The following DOCK3 variants were observed in gnomAD, a reference collection of about 807,000 sequenced individuals.
DOCK3 encodes dedicator of cytokinesis protein 3.
Under a neutral mutation model 265.6 loss-of-function variants are expected in DOCK3, and 60 were observed. That is an observed-to-expected ratio of 0.23 (90% CI 0.18 to 0.28). DOCK3 has a LOEUF of 0.28. Ranked by LOEUF, DOCK3 falls within the 10% of genes least tolerant of loss-of-function variation. The pLI, the probability that DOCK3 is intolerant of heterozygous loss-of-function variation, is 1.00. For missense variants in DOCK3, 1,981 were observed against 2,594.3 expected (o/e 0.76, Z 5.14); for synonymous variants, 881 against 938.0 (o/e 0.94, Z 1.11).
At chr3:50,852,388 T>G (rs1028884369) in intron 3 of DOCK3, among the ~76,000 whole-genome samples, 2 of 152,202 alleles carry the variant, frequency 1.3e-5, no homozygotes, top group African/African-American at 4.8e-5. Flanking sequence ...CTTAATGTTG[T>G]GTTTTGAGGA....
chr3:50,914,769 C>T (rs1051422200), intron 4 of DOCK3, among the ~76,000 whole-genome samples: 1 of 152,098 alleles, frequency 6.6e-6, no homozygotes, highest in African/African-American at 2.4e-5. Flanking sequence ...GATGATCTGT[C>T]TAATGCCGAT....
Position 51,077,380 on chromosome 3 carries a change from G to A in DOCK3, c.549+1940G>A, listed in dbSNP as rs566658190. On this transcript the variant is annotated intron_variant, in intron 7 of 52. Coordinates refer to ENST00000266037, the MANE Select transcript of DOCK3 (RefSeq NM_004947.5). ...GATCAGCTTTACATTTTTAAAAGAT[G>A]CCTTTGCTTGCTGTGTGGAAAAGGA... Among the ~76,000 whole-genome samples, 5 of 152,208 alleles carry A rather than the reference G, an allele frequency of 3.3e-5. No individual in the cohort carries two copies. In the East Asian group the frequency reaches 7.7e-4, roughly 24 times the overall value.
intron 1 of DOCK3, among the ~76,000 whole-genome samples, chr3:50,768,557 G>A (rs1023275473): frequency 6.6e-6 from 1 of 152,092 alleles, no homozygotes; most frequent in Non-Finnish European, 1.5e-5. Flanking sequence ...TATAAACAGA[G>A]CCAAAGACAA....
intron 27 of DOCK3, among the ~76,000 whole-genome samples, chr3:51,283,842 G>A (rs1315478838): frequency 6.6e-6 from 1 of 152,104 alleles, no homozygotes; most frequent in Non-Finnish European, 1.5e-5. Flanking sequence ...AAAGGTTGTG[G>A]TTTCGTATGG....
chr3:50,789,430 A>G (rs541024511), intron 2 of DOCK3, among the ~76,000 whole-genome samples: 7 of 152,254 alleles, frequency 4.6e-5, no homozygotes, highest in African/African-American at 1.7e-4. Context: ...CCATGTACTG[A>G]TGATTAGAAT....
chr3:50,822,625 T>C (rs1253718384), intron 2 of DOCK3, among the ~76,000 whole-genome samples: 1 of 152,150 alleles, frequency 6.6e-6, no homozygotes, highest in Non-Finnish European at 1.5e-5. Flanking sequence ...GTCTCCTGAA[T>C]AGCTAGGACT....
chr3:51,158,006 A>G (rs2085940929), intron 10 of DOCK3, among the ~76,000 whole-genome samples: 1 of 151,966 alleles, frequency 6.6e-6, no homozygotes, highest in South Asian at 2.1e-4. Context: ...ATGAAAGAGG[A>G]AAAGGAAATG....
Position 51,361,975 on chromosome 3 carries a change from A to G in DOCK3, c.5123A>G (p.Glu1708Gly). ...LGDGSMGDAP[E>G]DLYHHMQLAY... ...GACGGCTCCATGGGTGATGCTCCTG[A>G]GGACCTGTACCACCACATGCAGGTA... Residue 1708 changes from glutamate to glycine, a missense_variant, in exon 48 of 53, where the codon GAG (glutamate) becomes GGG (glycine). By Grantham distance (98) the Glu-to-Gly change is moderately conservative. This residue lies in a region of DOCK3 where 1,357 missense variants were observed against 1,866.8 expected (regional missense o/e 0.73). Coordinates refer to ENST00000266037, the MANE Select transcript of DOCK3 (RefSeq NM_004947.5). This position sits in a 1 kb window ranked among gnomAD's most constrained non-coding sequence, Gnocchi z 4.2. 5.6e-6 allele frequency: 9 copies of G among 1,609,746 alleles called. No individual in the cohort carries two copies. Among genetic ancestry groups the G allele is most frequent in the Non-Finnish European group, 7.6e-6 (9 of 1,178,066 alleles).
chr3:50,915,800 T>C (rs1421243246), intron 4 of DOCK3, among the ~76,000 whole-genome samples: 5 of 152,012 alleles, frequency 3.3e-5, no homozygotes, highest in African/African-American at 1.2e-4. Context: ...ATGACTGCTC[T>C]AGGTGACCAA....
intron 39 of DOCK3, 128 bp from the exon 40 acceptor site, chr3:51,350,160 A>G (rs565547075): frequency 1.3e-6 from 1 of 765,266 alleles, no homozygotes; most frequent in South Asian, 1.9e-5. Context: ...CTAGAGGCTC[A>G]CTTACTTCTT....
At chr3:51,188,538 T>C (rs904216709) in intron 12 of DOCK3, among the ~76,000 whole-genome samples, 6 of 152,218 alleles carry the variant, frequency 3.9e-5, no homozygotes, top group Admixed American at 2.6e-4. Flanking sequence ...TTTATCCTCC[T>C]TACTGTGTGT....
intron 9 of DOCK3, among the ~76,000 whole-genome samples, chr3:51,093,062 C>T (rs1319799454): frequency 4.6e-5 from 7 of 152,062 alleles, no homozygotes; most frequent in South Asian, 2.1e-4. Context: ...ACCAGTAACA[C>T]GATGTTTTGG....
chr3:51,263,373 G>C (rs2079967081), intron 23 of DOCK3, among the ~76,000 whole-genome samples: 1 of 152,188 alleles, frequency 6.6e-6, no homozygotes, highest in Non-Finnish European at 1.5e-5. Context: ...CAAATGCTGA[G>C]AGATTTTGTC....
intron 1 of DOCK3, among the ~76,000 whole-genome samples, chr3:50,704,979 C>A (rs999657958): frequency 4.0e-5 from 6 of 150,998 alleles, no homozygotes; most frequent in Non-Finnish European, 8.8e-5. Context: ...AAGGTTGTCA[C>A]TGATAGTTGA....
chr3:50,937,451 G>A (rs1361295263), intron 5 of DOCK3, among the ~76,000 whole-genome samples: 1 of 152,060 alleles, frequency 6.6e-6, no homozygotes, highest in Non-Finnish European at 1.5e-5. Context: ...TCAGGAGATT[G>A]AGACCATCCT....
At chr3:51,236,678 A>AGTAT (rs1228319841) in intron 20 of DOCK3, among the ~76,000 whole-genome samples, 1 of 152,156 alleles carries the variant, frequency 6.6e-6, no homozygotes, top group East Asian at 1.9e-4. Context: ...TCACTATTGC[A>AGTAT]GTATGCCTGG....
At chr3:50,688,952 T>C (rs1041254219) in intron 1 of DOCK3, among the ~76,000 whole-genome samples, 3 of 152,174 alleles carry the variant, frequency 2.0e-5, no homozygotes, top group Non-Finnish European at 2.9e-5. Context: ...AAGTGCACCA[T>C]GTGGGAAAGA....
intron 5 of DOCK3, among the ~76,000 whole-genome samples, chr3:51,026,190 C>T (rs1343392674): frequency 2.6e-5 from 4 of 151,742 alleles, no homozygotes; most frequent in Admixed American, 6.6e-5. Flanking sequence ...TATGAAGTGA[C>T]GTTGGATTTT....
intron 4 of DOCK3, among the ~76,000 whole-genome samples, chr3:50,918,461 G>A (rs1334510920): frequency 4.6e-5 from 7 of 152,150 alleles, no homozygotes; most frequent in African/African-American, 7.2e-5. Context: ...TTTAACTGGT[G>A]TGAGATAGTA....
Sources: allele counts gnomAD v4.1 joint callset (sites outside exome capture counted in the v4.1 genomes callset), GRCh38; gene constraint gnomAD v4.1.1; regional missense constraint gnomAD v4.1.1; non-coding constraint Gnocchi (gnomAD v3.1); transcripts MANE v1.5; gene names NCBI Gene and HGNC (gene_info 2026-07-23, HGNC 2026-07-21).